The following ARSB variants were observed in gnomAD, a reference collection of about 807,000 sequenced individuals.
ARSB encodes arylsulfatase B, also known as N-acetylgalactosamine-4-sulfatase.
In ARSB, 41 loss-of-function variants were observed where a neutral mutation model predicts 50.9. That is an observed-to-expected ratio of 0.81 (90% CI 0.63 to 1.04). ARSB has a LOEUF of 1.04. ARSB is among the 50% of genes least tolerant of loss of function. The pLI, the probability that ARSB is intolerant of heterozygous loss-of-function variation, is 0.00. For missense variants in ARSB, 672 were observed against 693.3 expected (o/e 0.97, Z 0.35); for synonymous variants, 269 against 284.8 (o/e 0.94, Z 0.56).
At chr5:78,891,342 T>C (rs529518574) in intron 4 of ARSB, among the ~76,000 whole-genome samples, 1 of 152,314 alleles carries the variant, frequency 6.6e-6, no homozygotes, top group East Asian at 1.9e-4. Flanking sequence ...AACCCTCAAA[T>C]ATCAGAATTG....
intron 3 of ARSB, among the ~76,000 whole-genome samples, chr5:78,961,363 A>G (rs1043195407): frequency 6.6e-6 from 1 of 152,238 alleles, no homozygotes; most frequent in African/African-American, 2.4e-5. Flanking sequence ...ACTTATGTCT[A>G]TGACTGAAAC....
At position 78,789,368 on chromosome 5, in the gene ARSB, G is replaced by A. The variant is rs550348654; in HGVS notation, c.1214-7394C>T. Among the ~76,000 whole-genome samples the A allele has an allele frequency of 5.9e-5, 9 of 152,326 alleles. No individual in the cohort carries two copies. In the South Asian group the frequency reaches 1.9e-3, roughly 32 times the overall value. On this transcript the variant is annotated intron_variant, in intron 6 of 7. Coordinates refer to ENST00000264914, the MANE Select transcript of ARSB (RefSeq NM_000046.5). ...AATAAGAAGAGGAAAGTCCATGGAA[G>A]ACAGGAAGTTTTCATGCTCAGAGAG... is the stretch of plus-strand genomic sequence containing the variant.
At chr5:78,782,022 G>T (rs1294793024) in intron 6 of ARSB, 48 bp from the exon 7 acceptor site, 1 of 1,612,868 alleles carries the variant, frequency 6.2e-7, no homozygotes, top group South Asian at 1.1e-5. Flanking sequence ...ATTGGAACGT[G>T]TTGTTATAAA....
intron 6 of ARSB, among the ~76,000 whole-genome samples, chr5:78,811,445 G>C (rs1270184847): frequency 6.6e-6 from 1 of 152,152 alleles, no homozygotes; most frequent in African/African-American, 2.4e-5. Context: ...TTCATCACAG[G>C]AGGCCACAAA....
chr5:78,821,350 T>C (rs1314225426), intron 6 of ARSB, among the ~76,000 whole-genome samples: 1 of 152,060 alleles, frequency 6.6e-6, no homozygotes, highest in Non-Finnish European at 1.5e-5. Flanking sequence ...GTCAGCCAGG[T>C]TGGTCTCGAA....
At chr5:78,878,864 T>A (rs1017604457) in intron 5 of ARSB, among the ~76,000 whole-genome samples, 1 of 152,142 alleles carries the variant, frequency 6.6e-6, no homozygotes, top group Non-Finnish European at 1.5e-5. Flanking sequence ...TTGCTTTTTT[T>A]TTTTCCTGAA....
chr5:78,810,671 T>C, intron 6 of ARSB, among the ~76,000 whole-genome samples: 1 of 152,200 alleles, frequency 6.6e-6, no homozygotes, highest in East Asian at 1.9e-4. Context: ...TTAGGATGCA[T>C]TTTAAGAAAA....
intron 4 of ARSB, among the ~76,000 whole-genome samples, chr5:78,919,014 T>C (rs1466281581): frequency 6.6e-6 from 1 of 152,156 alleles, no homozygotes; most frequent in East Asian, 1.9e-4. Context: ...AGATTTGGGA[T>C]TTTCCATAAG....
intron 6 of ARSB, among the ~76,000 whole-genome samples, chr5:78,795,960 T>C (rs921678727): frequency 5.9e-5 from 9 of 152,230 alleles, no homozygotes; most frequent in Non-Finnish European, 5.9e-5. Context: ...CATTATTGCA[T>C]TGTGCATAGT....
At chr5:78,809,259 G>A (rs1386709772) in intron 6 of ARSB, among the ~76,000 whole-genome samples, 1 of 152,212 alleles carries the variant, frequency 6.6e-6, no homozygotes, top group Non-Finnish European at 1.5e-5. Context: ...GAGCGGCTGG[G>A]AAGGACTTGC....
chr5:78,919,555 C>T (rs1040275120), intron 4 of ARSB, among the ~76,000 whole-genome samples: 59 of 152,218 alleles, frequency 3.9e-4, no homozygotes, highest in African/African-American at 1.3e-3. Flanking sequence ...TGCAGTGGCA[C>T]GATCTTGGCT....
At chr5:78,844,236 T>G (rs62377516) in intron 5 of ARSB, among the ~76,000 whole-genome samples, 19,140 of 152,216 alleles carry the variant, frequency 0.13, 1,408 homozygotes, top group Middle Eastern at 0.21. Context: ...ATGTAGCCAT[T>G]CTAGTTGGTG....
chr5:78,826,655 G>T (rs766432852), intron 6 of ARSB, among the ~76,000 whole-genome samples: 5 of 152,064 alleles, frequency 3.3e-5, no homozygotes, highest in African/African-American at 7.2e-5. Flanking sequence ...TTACTTAATT[G>T]TGTATATTCT....
At chr5:78,926,693 A>T (rs550309454) in intron 4 of ARSB, among the ~76,000 whole-genome samples, 4 of 152,268 alleles carry the variant, frequency 2.6e-5, no homozygotes, top group Non-Finnish European at 2.9e-5. Flanking sequence ...TGTTATTCTC[A>T]CCCAGCCTGA....
At chr5:78,876,668 G>A (rs1244427284) in intron 5 of ARSB, among the ~76,000 whole-genome samples, 1 of 152,170 alleles carries the variant, frequency 6.6e-6, no homozygotes, top group African/African-American at 2.4e-5. Context: ...TAGGACAGAG[G>A]ACCAGAGAAG....
intron 4 of ARSB, among the ~76,000 whole-genome samples, chr5:78,941,907 G>A (rs1435443861): frequency 6.6e-6 from 1 of 152,150 alleles, no homozygotes; most frequent in Non-Finnish European, 1.5e-5. Flanking sequence ...GAATCCATCT[G>A]GTCCTGGACT....
At chr5:78,836,977 T>C (rs540103351) in intron 6 of ARSB, among the ~76,000 whole-genome samples, 1 of 152,194 alleles carries the variant, frequency 6.6e-6, no homozygotes, top group South Asian at 2.1e-4. Context: ...CCAGATCTCA[T>C]GAGAACTCAC....
At chr5:78,965,350 T>C (rs1276478859) in intron 2 of ARSB, among the ~76,000 whole-genome samples, 1 of 152,178 alleles carries the variant, frequency 6.6e-6, no homozygotes, top group Non-Finnish European at 1.5e-5. Flanking sequence ...TATATTTCTA[T>C]ATTTTAAAGT....
intron 5 of ARSB, among the ~76,000 whole-genome samples, chr5:78,859,460 T>C (rs757121936): frequency 2.6e-5 from 4 of 152,200 alleles, no homozygotes; most frequent in African/African-American, 4.8e-5. Context: ...GGGACTAATA[T>C]GCCTTTCTTC....
Sources: allele counts gnomAD v4.1 joint callset (sites outside exome capture counted in the v4.1 genomes callset), GRCh38; gene constraint gnomAD v4.1.1; transcripts MANE v1.5; gene names NCBI Gene and HGNC (gene_info 2026-07-23, HGNC 2026-07-21).